The following NAV2 variants were observed in gnomAD, a reference collection of about 807,000 sequenced individuals.
NAV2 encodes helicase, APC down-regulated 1.
A neutral mutation model predicts 223.2 loss-of-function variants in NAV2; 54 were observed. The observed-to-expected ratio is 0.24, with a 90% CI of 0.19 to 0.30. NAV2 has a LOEUF of 0.30. Among genes scored for constraint, NAV2 ranks in the 10% least tolerant of loss-of-function variants. NAV2 has a pLI of 1.00. For synonymous variants in NAV2, 1,279 were observed against 1,239.3 expected (o/e 1.03, Z -0.67); for missense variants, 2,806 against 3,147.5 (o/e 0.89, Z 2.60).
chr11:19,525,920 C>T (rs1054887257), intron 1 of NAV2, among the ~76,000 whole-genome samples: 6 of 152,150 alleles, frequency 3.9e-5, no homozygotes, highest in South Asian at 2.1e-4. Flanking sequence ...GGAAGCTGGA[C>T]GTGTATCCTA....
chr11:20,051,392 GT>G, intron 17 of NAV2, 59 bp downstream of exon 17: 1 of 1,524,386 alleles, frequency 6.6e-7, no homozygotes, highest in Non-Finnish European at 9.1e-7. Context: ...GCTTGGCTGT[GT>G]GACTCCTTCA....
chr11:19,947,972 G>A (rs184837329), intron 9 of NAV2, among the ~76,000 whole-genome samples: 2 of 152,236 alleles, frequency 1.3e-5, no homozygotes, highest in African/African-American at 4.8e-5. Flanking sequence ...AGGAAAAGAA[G>A]GCTGTGATGC....
chr11:20,079,920 C>T (rs936555659), intron 24 of NAV2, 144 bp from the exon 25 acceptor site: 3 of 779,320 alleles, frequency 3.8e-6, no homozygotes, highest in Admixed American at 5.7e-5. Context: ...ATCTTAGAAA[C>T]AGCTGTAGGG....
At chr11:19,987,031 T>C (rs1318206569) in intron 11 of NAV2, among the ~76,000 whole-genome samples, 1 of 152,232 alleles carries the variant, frequency 6.6e-6, no homozygotes, top group Non-Finnish European at 1.5e-5. Context: ...ATAATTACAT[T>C]TTAATTTTAA....
chr11:20,091,120 C>A, intron 27 of NAV2, 102 bp downstream of exon 27: 6 of 1,258,508 alleles, frequency 4.8e-6, no homozygotes, highest in South Asian at 1.5e-5. Context: ...AATCTGGTGG[C>A]GGCCCTCGCT....
intron 1 of NAV2, among the ~76,000 whole-genome samples, chr11:19,521,426 G>A (rs150987156): frequency 1.3e-3 from 194 of 152,326 alleles, no homozygotes; most frequent in African/African-American, 4.4e-3. Context: ...GGCTCTCTAA[G>A]TGATGGGACA....
At chr11:19,435,779 G>C (rs569433004) in intron 1 of NAV2, among the ~76,000 whole-genome samples, 1 of 152,286 alleles carries the variant, frequency 6.6e-6, no homozygotes, top group East Asian at 1.9e-4. Flanking sequence ...ACAGGTGTGA[G>C]ATGATAGCTC....
chr11:20,116,834 G>A (rs960171553), intron 37 of NAV2, among the ~76,000 whole-genome samples: 5 of 152,166 alleles, frequency 3.3e-5, no homozygotes, highest in Non-Finnish European at 5.9e-5. Flanking sequence ...GCTCTCTTCT[G>A]TATTAATCCT....
At chr11:19,415,394 G>T (rs1023949731) in intron 1 of NAV2, among the ~76,000 whole-genome samples, 1 of 152,146 alleles carries the variant, frequency 6.6e-6, no homozygotes, top group African/African-American at 2.4e-5. Context: ...GGTAAAGCAG[G>T]AAGAAGTCGA....
intron 1 of NAV2, among the ~76,000 whole-genome samples, chr11:19,797,076 G>A (rs1295852020): frequency 6.6e-6 from 1 of 152,166 alleles, no homozygotes; most frequent in African/African-American, 2.4e-5. Context: ...CCCCACACGG[G>A]TTTGAGAGCC....
At chr11:19,523,088 G>T (rs1490567677) in intron 1 of NAV2, among the ~76,000 whole-genome samples, 1 of 152,238 alleles carries the variant, frequency 6.6e-6, no homozygotes, top group African/African-American at 2.4e-5. Context: ...TTTGCAGTGA[G>T]AAGTCTGCAG....
intron 3 of NAV2, among the ~76,000 whole-genome samples, chr11:19,853,088 G>C (rs183526909): frequency 1.3e-5 from 2 of 152,322 alleles, no homozygotes; most frequent in East Asian, 1.9e-4. Context: ...TTATATGTGA[G>C]AGGCACCTGG....
chr11:19,367,463 C>T (rs1323982588), intron 1 of NAV2, among the ~76,000 whole-genome samples: 1 of 152,172 alleles, frequency 6.6e-6, no homozygotes, highest in Admixed American at 6.5e-5. Flanking sequence ...GGTTTTATGT[C>T]TGGGACATTG....
intron 1 of NAV2, among the ~76,000 whole-genome samples, chr11:19,617,119 G>A (rs2046820853): frequency 6.6e-6 from 1 of 152,066 alleles, no homozygotes; most frequent in African/African-American, 2.4e-5. Flanking sequence ...ATTTCTGACT[G>A]GAGCAGCAGG....
At chr11:19,605,632 G>A (rs2046457421) in intron 1 of NAV2, among the ~76,000 whole-genome samples, 1 of 152,100 alleles carries the variant, frequency 6.6e-6, no homozygotes, top group African/African-American at 2.4e-5. Flanking sequence ...GGTTAGCGGG[G>A]AGGAGGGTAG....
At chr11:19,777,405 C>CTTTTT in intron 1 of NAV2, 1 of 410,424 alleles carries the variant, frequency 2.4e-6, no homozygotes, top group Non-Finnish European at 4.8e-6. Flanking sequence ...GGTGCTTCGG[C>CTTTTT]TTTTTTTTTT....
At chr11:19,374,495 G>A (rs1221030107) in intron 1 of NAV2, among the ~76,000 whole-genome samples, 1 of 152,082 alleles carries the variant, frequency 6.6e-6, no homozygotes, top group Non-Finnish European at 1.5e-5. Context: ...ACATAGTTGA[G>A]ACATCCTCAG....
In NAV2 at chr11:20,045,550, G is replaced by A; in HGVS notation, c.3782G>A (p.Ser1261Asn). ...KEKGISSDNE[S>N]VASCNSVKVN... is the part of the protein sequence containing the mutation. ...AAAGGCATCTCATCAGACAACGAGA[G>A]TGTGGCTTCCTGTAACTCGGTGAAA... Residue 1261 changes from serine to asparagine, a missense_variant, in exon 14 of 38, where the codon AGT becomes AAT. Physicochemically the swap from Ser to Asn is conservative, Grantham distance 46 (BLOSUM62 1). Coordinates refer to ENST00000349880, the MANE Select transcript of NAV2 (RefSeq NM_145117.5). 1 of 1,614,214 alleles carries A rather than the reference G, an allele frequency of 6.2e-7. No homozygotes were observed. The highest frequency in any genetic ancestry group is 1.3e-5 in the African/African-American group (1 of 75,056).
At chr11:19,893,743 C>T (rs991733737) in intron 6 of NAV2, among the ~76,000 whole-genome samples, 1 of 152,200 alleles carries the variant, frequency 6.6e-6, no homozygotes, top group Non-Finnish European at 1.5e-5. Flanking sequence ...GATGTCTTAA[C>T]CTATCAAGAC....
Sources: allele counts gnomAD v4.1 joint callset (sites outside exome capture counted in the v4.1 genomes callset), GRCh38; gene constraint gnomAD v4.1.1; transcripts MANE v1.5; gene names NCBI Gene and HGNC (gene_info 2026-07-23, HGNC 2026-07-21).